MGAT4C: variants seen among roughly 807,000 people sequenced by gnomAD.
MGAT4C encodes the protein MGAT4 family member C, also known as alpha-1,3-mannosyl-glycoprotein 4-beta-N-acetylglucosaminyltransferase C.
A neutral mutation model predicts 40.1 loss-of-function variants in MGAT4C; 19 were observed. That is an observed-to-expected ratio of 0.47 (90% CI 0.33 to 0.70). The LOEUF (loss-of-function observed/expected upper bound fraction) is 0.70, where lower values mean the gene tolerates loss of function less well. Ranked by LOEUF, MGAT4C falls within the 30% of genes least tolerant of loss-of-function variation. MGAT4C has a pLI of 0.02. For missense variants in MGAT4C, 491 were observed against 563.2 expected, an observed-to-expected ratio of 0.87 and a Z score of 1.30; for synonymous variants, 181 against 187.1, an observed-to-expected ratio of 0.97 and a Z score of 0.27.
At chr12:85,987,811 T>C (rs1030793783) in intron 3 of MGAT4C, among the ~76,000 whole-genome samples, 1 of 152,216 alleles carries the variant, frequency 6.6e-6, no homozygotes, top group Non-Finnish European at 1.5e-5. Flanking sequence ...AACTGTCTTA[T>C]AAATTCAGCA....
chr12:86,766,514 A>G (rs1239442751), intron 1 of MGAT4C, among the ~76,000 whole-genome samples: 6 of 152,072 alleles, frequency 3.9e-5, no homozygotes, highest in East Asian at 3.9e-4. Flanking sequence ...TGCACCAAGC[A>G]GACCTAATAG....
At chr12:86,605,193 G>T (rs1962001147) in intron 2 of MGAT4C, among the ~76,000 whole-genome samples, 1 of 152,012 alleles carries the variant, frequency 6.6e-6, no homozygotes, top group Non-Finnish European at 1.5e-5. Flanking sequence ...TGTTTTATGG[G>T]TCTAGATGCT....
At chr12:85,991,801 G>A (rs1023640352) in intron 2 of MGAT4C, among the ~76,000 whole-genome samples, 26 of 152,156 alleles carry the variant, frequency 1.7e-4, no homozygotes, top group African/African-American at 6.0e-4. Flanking sequence ...AGACCTGCCT[G>A]GGCAATATAG....
intron 1 of MGAT4C, among the ~76,000 whole-genome samples, chr12:86,072,485 T>A (rs1474328608): frequency 6.6e-6 from 1 of 152,126 alleles, no homozygotes; most frequent in South Asian, 2.1e-4. Flanking sequence ...TACATCTGTA[T>A]GTATATTTAT....
intron 1 of MGAT4C, among the ~76,000 whole-genome samples, chr12:86,121,714 C>T (rs926489959): frequency 6.6e-6 from 1 of 152,144 alleles, no homozygotes; most frequent in East Asian, 1.9e-4. Flanking sequence ...TTTGTCACTA[C>T]CAGGGCCTGC....
chr12:86,056,942 T>C (rs1055609513), intron 1 of MGAT4C, among the ~76,000 whole-genome samples: 1 of 101,306 alleles, frequency 9.9e-6, no homozygotes, highest in African/African-American at 3.3e-5. Context: ...AGTGATAATA[T>C]AAAAATTTAA....
At chr12:86,301,168 T>C (rs1408647098) in intron 4 of MGAT4C, among the ~76,000 whole-genome samples, 2 of 152,210 alleles carry the variant, frequency 1.3e-5, no homozygotes, top group Admixed American at 6.5e-5. Context: ...AGGTGTGACA[T>C]ATAGACCATC....
intron 2 of MGAT4C, among the ~76,000 whole-genome samples, chr12:85,993,638 T>A (rs1297732236): frequency 1.3e-5 from 2 of 152,064 alleles, no homozygotes. Flanking sequence ...GCCCCTGATG[T>A]CAGGAGGGGG....
intron 1 of MGAT4C, among the ~76,000 whole-genome samples, chr12:86,123,000 G>A (rs1879660010): frequency 6.6e-6 from 1 of 152,168 alleles, no homozygotes; most frequent in African/African-American, 2.4e-5. Context: ...CACTGCTTTT[G>A]GTTGTATCTA....
At chr12:86,171,160 A>T (rs1886792305) in intron 1 of MGAT4C, among the ~76,000 whole-genome samples, 1 of 152,110 alleles carries the variant, frequency 6.6e-6, no homozygotes, top group East Asian at 1.9e-4. Context: ...TCACGAGGTC[A>T]GGAGTTCGAG....
chr12:86,351,013 G>A (rs79815190), intron 3 of MGAT4C, among the ~76,000 whole-genome samples: 1 of 150,992 alleles, frequency 6.6e-6, no homozygotes, highest in Non-Finnish European at 1.5e-5. Flanking sequence ...TATATGATAT[G>A]GAATATTAAA....
At chr12:86,235,511 C>T (rs1048141258) in intron 1 of MGAT4C, among the ~76,000 whole-genome samples, 1 of 152,054 alleles carries the variant, frequency 6.6e-6, no homozygotes, top group Admixed American at 6.6e-5. Flanking sequence ...CCTCCACCCC[C>T]TTGTTTCAGC....
intron 1 of MGAT4C, among the ~76,000 whole-genome samples, chr12:86,837,981 T>C (rs1367795754): frequency 6.6e-6 from 1 of 152,228 alleles, no homozygotes; most frequent in East Asian, 1.9e-4. Context: ...GCTAAACATT[T>C]CTTGTACTTC....
intron 3 of MGAT4C, among the ~76,000 whole-genome samples, chr12:86,362,307 G>A (rs1311275604): frequency 6.6e-6 from 1 of 152,106 alleles, no homozygotes; most frequent in African/African-American, 2.4e-5. Flanking sequence ...TGGACACAGG[G>A]TGGGGAACAT....
chr12:86,406,585 A>G (rs906483544), intron 3 of MGAT4C, among the ~76,000 whole-genome samples: 4 of 152,064 alleles, frequency 2.6e-5, no homozygotes, highest in Non-Finnish European at 5.9e-5. Context: ...TGGCTAAAAG[A>G]AACAAACAAA....
rs574757701 is a variant in MGAT4C at position 86,630,762 on chromosome 12, A to G, written c.-229+96447T>C. On this transcript the variant is annotated intron_variant, in intron 2 of 7. Coordinates refer to the MGAT4C transcript ENST00000548651. ...TTGATGGATTGTATCTCAAAATAAT[A>G]AGAACTGCTTATGACAAGCCCACAG... is the stretch of plus-strand genomic sequence containing the variant. Among the ~76,000 whole-genome samples, 4 of 152,322 alleles carry G rather than the reference A, an allele frequency of 2.6e-5. No homozygotes were observed. In the East Asian group the frequency reaches 7.7e-4, roughly 29 times the overall value.
chr12:86,134,915 A>G (rs936719669), intron 1 of MGAT4C, among the ~76,000 whole-genome samples: 17 of 152,242 alleles, frequency 1.1e-4, no homozygotes, highest in African/African-American at 4.1e-4. Flanking sequence ...GAACTTAGAA[A>G]AAGAAACTTT....
At chr12:86,377,217 G>A (rs1592762047) in intron 3 of MGAT4C, among the ~76,000 whole-genome samples, 2 of 151,098 alleles carry the variant, frequency 1.3e-5, no homozygotes, top group East Asian at 1.9e-4. Context: ...TCGCCACCAC[G>A]CCTGGCTAAT....
At chr12:86,628,512 C>T (rs187157049) in intron 2 of MGAT4C, among the ~76,000 whole-genome samples, 2 of 152,266 alleles carry the variant, frequency 1.3e-5, no homozygotes, top group Admixed American at 6.5e-5. Context: ...TCGGGTTACA[C>T]ACAAAGGGAA....
Sources: allele counts gnomAD v4.1 joint callset (sites outside exome capture counted in the v4.1 genomes callset), GRCh38; gene constraint gnomAD v4.1.1; transcripts MANE v1.5; gene names NCBI Gene and HGNC (gene_info 2026-07-23, HGNC 2026-07-21).